The following ZBTB20 variants were observed in gnomAD, a reference collection of about 807,000 sequenced individuals.
The protein encoded by ZBTB20 is zinc finger and BTB domain-containing protein 20.
In ZBTB20, 9 loss-of-function variants were observed where a neutral mutation model predicts 56.9. The ratio of observed to expected loss-of-function variants is 0.16; its 90% CI spans 0.10 to 0.28. ZBTB20 has a LOEUF of 0.28. Ranked by LOEUF, ZBTB20 falls within the 10% of genes least tolerant of loss-of-function variation. The pLI, the probability that ZBTB20 is intolerant of heterozygous loss-of-function variation, is 1.00. For missense variants in ZBTB20, 655 were observed against 1,003.0 expected, an observed-to-expected ratio of 0.65 and a Z score of 4.69; for synonymous variants, 417 against 420.7, an observed-to-expected ratio of 0.99 and a Z score of 0.11.
At chr3:115,059,174 A>AT (rs1374657990) in intron 2 of ZBTB20, among the ~76,000 whole-genome samples, 1 of 151,912 alleles carries the variant, frequency 6.6e-6, no homozygotes, top group Non-Finnish European at 1.5e-5. Flanking sequence ...TTCATTGGTA[A>AT]TTTTTTTCCC....
intron 3 of ZBTB20, among the ~76,000 whole-genome samples, chr3:114,954,742 G>C (rs148749734): frequency 6.6e-6 from 1 of 152,054 alleles, no homozygotes; most frequent in Admixed American, 6.6e-5. Flanking sequence ...TAAGGTTTGG[G>C]GCACCTAAAG....
At chr3:114,960,397 A>T (rs2077404891) in intron 3 of ZBTB20, among the ~76,000 whole-genome samples, 1 of 152,260 alleles carries the variant, frequency 6.6e-6, no homozygotes, top group South Asian at 2.1e-4. Flanking sequence ...GTAAAATATC[A>T]AACCACAGCA....
intron 6 of ZBTB20, among the ~76,000 whole-genome samples, chr3:114,639,478 T>C (rs1332810296): frequency 2.4e-5 from 2 of 82,184 alleles, no homozygotes. Flanking sequence ...AGTTTTTTTT[T>C]TTTTCTCTCC....
At chr3:114,511,517 T>C (rs1336503804) in intron 6 of ZBTB20, among the ~76,000 whole-genome samples, 2 of 152,164 alleles carry the variant, frequency 1.3e-5, no homozygotes, top group African/African-American at 2.4e-5. Context: ...TTGGAAGGAC[T>C]TGGTTAGAGA....
intron 4 of ZBTB20, among the ~76,000 whole-genome samples, chr3:114,811,213 G>A (rs1357425163): frequency 6.6e-6 from 1 of 152,158 alleles, no homozygotes; most frequent in Non-Finnish European, 1.5e-5. Flanking sequence ...GTATTTGCCA[G>A]CTTATTTTCT....
intron 2 of ZBTB20, among the ~76,000 whole-genome samples, chr3:115,010,460 T>C (rs981020627): frequency 1.3e-5 from 2 of 151,970 alleles, no homozygotes; most frequent in Non-Finnish European, 2.9e-5. Context: ...AGAAGGACTC[T>C]GTATTCTTGG....
rs572254860 is a variant in ZBTB20 at position 114,576,275 on chromosome 3, A to G, written c.-294-75884T>C. ...AGCACTTTGGGAGGCCAAGGCGGGC[A>G]GATCATGAGGTCAGGAGATCGAGAC... is the stretch of plus-strand genomic sequence containing the variant. On this transcript the variant is annotated intron_variant, in intron 6 of 11. Transcript: ENST00000675478. 3.8e-4 allele frequency among the ~76,000 whole-genome samples: 58 copies of G among 151,806 alleles called. 1 individual carries two copies. The highest frequency in any genetic ancestry group is 4.3e-4 in the Non-Finnish European group (29 of 67,878).
At chr3:114,662,762 T>G (rs2060814924) in intron 6 of ZBTB20, among the ~76,000 whole-genome samples, 1 of 151,772 alleles carries the variant, frequency 6.6e-6, no homozygotes, top group African/African-American at 2.4e-5. Flanking sequence ...GTTTGTTTTT[T>G]TCTTGTAAAT....
rs1229334767 is a variant in ZBTB20, at chr3:115,107,169, G to C, written c.-702-35755C>G. Among the ~76,000 whole-genome samples the C allele has an allele frequency of 2.0e-5, 3 of 152,328 alleles. No homozygotes were observed. In the East Asian group the frequency reaches 5.8e-4, roughly 29 times the overall value. Reference sequence around the variant, plus strand: ...AGGCTGCATGCAGTGGCTCATGCCTGTAATCTCAGCACTTTGGGAGGCCAA... The same window carrying C: ...AGGCTGCATGCAGTGGCTCATGCCTCTAATCTCAGCACTTTGGGAGGCCAA... On this transcript the variant is annotated intron_variant, in intron 1 of 11. Transcript: ENST00000675478.
chr3:114,678,170 T>A (rs2108226605), intron 6 of ZBTB20, among the ~76,000 whole-genome samples: 1 of 152,282 alleles, frequency 6.6e-6, no homozygotes, highest in Non-Finnish European at 1.5e-5. Context: ...AGAATTTGAT[T>A]TTTTTCCTCT....
intron 7 of ZBTB20, among the ~76,000 whole-genome samples, chr3:114,433,729 T>C (rs186252227): frequency 6.6e-6 from 1 of 152,290 alleles, no homozygotes; most frequent in East Asian, 1.9e-4. Flanking sequence ...ATAAACATGC[T>C]CTAGTATAAG....
intron 5 of ZBTB20, among the ~76,000 whole-genome samples, chr3:114,712,522 G>A (rs961226658): frequency 2.0e-5 from 3 of 151,622 alleles, no homozygotes; most frequent in Non-Finnish European, 4.4e-5. Flanking sequence ...GTGTGGTGGC[G>A]CATGCCTGTA....
intron 2 of ZBTB20, among the ~76,000 whole-genome samples, chr3:114,979,997 C>T (rs2078265723): frequency 6.6e-6 from 1 of 151,966 alleles, no homozygotes; most frequent in African/African-American, 2.4e-5. Context: ...CATTCACTGA[C>T]TCAGTTATAC....
intron 4 of ZBTB20, among the ~76,000 whole-genome samples, chr3:114,892,408 C>T (rs2076847630): frequency 6.6e-6 from 1 of 152,200 alleles, no homozygotes; most frequent in Non-Finnish European, 1.5e-5. Flanking sequence ...GCCCCAAAGC[C>T]ACCTGATCAC....
intron 2 of ZBTB20, among the ~76,000 whole-genome samples, chr3:115,012,095 C>G (rs1214043647): frequency 6.6e-6 from 1 of 151,484 alleles, no homozygotes; most frequent in Non-Finnish European, 1.5e-5. Flanking sequence ...AGAAATTAAT[C>G]ATATCACCAG....
intron 5 of ZBTB20, among the ~76,000 whole-genome samples, chr3:114,713,146 ACTT>A (rs1363379732): frequency 1.3e-5 from 2 of 151,934 alleles, no homozygotes; most frequent in Admixed American, 6.6e-5. Context: ...TCGATGTTGG[ACTT>A]CTTATGTTTT....
At chr3:114,779,739 AAG>A (rs928175369) in intron 5 of ZBTB20, among the ~76,000 whole-genome samples, 1 of 152,210 alleles carries the variant, frequency 6.6e-6, no homozygotes, top group Non-Finnish European at 1.5e-5. Flanking sequence ...CTTTAAAATC[AAG>A]AGTCAAGAAC....
chr3:115,044,945 C>A (rs2081281900), intron 2 of ZBTB20, among the ~76,000 whole-genome samples: 1 of 152,162 alleles, frequency 6.6e-6, no homozygotes, highest in South Asian at 2.1e-4. Flanking sequence ...ACTGGTAAAA[C>A]CTGTAGGTGT....
intron 1 of ZBTB20, among the ~76,000 whole-genome samples, chr3:115,081,916 C>T (rs1221689326): frequency 6.6e-6 from 1 of 152,138 alleles, no homozygotes; most frequent in East Asian, 1.9e-4. Flanking sequence ...ATCTCAGACA[C>T]AATAGTTACA....
Sources: gnomAD v4.1 joint callset for allele counts (sites outside exome capture counted in the v4.1 genomes callset) on GRCh38, gnomAD v4.1.1 for gene constraint, MANE v1.5 for transcripts, NCBI Gene and HGNC (gene_info 2026-07-23, HGNC 2026-07-21) for gene names.